The following CTNNA2 variants were observed in gnomAD, a reference collection of about 807,000 sequenced individuals.
CTNNA2 encodes the protein catenin alpha-2.
CTNNA2 carries 42 observed loss-of-function variants against 101.0 expected under a neutral mutation model. The observed-to-expected ratio is 0.42, with a 90% CI of 0.32 to 0.54. CTNNA2 has a LOEUF of 0.54. CTNNA2 is among the 20% of genes least tolerant of loss of function. CTNNA2 has a pLI of 0.14. For missense variants in CTNNA2, 871 were observed against 1,223.1 expected (o/e 0.71, Z 4.29); for synonymous variants, 450 against 456.4 (o/e 0.99, Z 0.18).
chr2:80,377,598 A>C (rs1363604737), intron 7 of CTNNA2, among the ~76,000 whole-genome samples: 1 of 152,220 alleles, frequency 6.6e-6, no homozygotes, highest in Non-Finnish European at 1.5e-5. Flanking sequence ...TTGAGGAGGT[A>C]GGAAGACTGG....
chr2:79,720,626 A>G (rs1686418324), intron 2 of CTNNA2, among the ~76,000 whole-genome samples: 1 of 151,936 alleles, frequency 6.6e-6, no homozygotes, highest in Non-Finnish European at 1.5e-5. Flanking sequence ...TTGTATTTTC[A>G]GGTATTTCAT....
intron 7 of CTNNA2, among the ~76,000 whole-genome samples, chr2:79,987,646 A>C (rs1691862517): frequency 6.6e-6 from 1 of 152,176 alleles, no homozygotes; most frequent in Non-Finnish European, 1.5e-5. Context: ...AAATGAATAA[A>C]CTTTATATGT....
intron 7 of CTNNA2, among the ~76,000 whole-genome samples, chr2:80,263,336 A>ATATT (rs912746768): frequency 6.6e-6 from 1 of 152,148 alleles, no homozygotes; most frequent in African/African-American, 2.4e-5. Flanking sequence ...GTGAATTTAT[A>ATATT]TATTTATTTA....
chr2:79,999,142 A>T (rs1386822882), intron 7 of CTNNA2, among the ~76,000 whole-genome samples: 2 of 151,954 alleles, frequency 1.3e-5, no homozygotes, highest in African/African-American at 4.8e-5. Flanking sequence ...AGAGATTGAG[A>T]TCTGGTGGTA....
At chr2:79,728,368 A>G (rs987396683) in intron 2 of CTNNA2, among the ~76,000 whole-genome samples, 1 of 152,184 alleles carries the variant, frequency 6.6e-6, no homozygotes, top group Non-Finnish European at 1.5e-5. Flanking sequence ...TTGGCTGCAT[A>G]AATGTCTTGT....
intron 2 of CTNNA2, among the ~76,000 whole-genome samples, chr2:79,246,638 A>C (rs1674704290): frequency 6.6e-6 from 1 of 152,232 alleles, no homozygotes; most frequent in Admixed American, 6.5e-5. Context: ...TTATGGTTTC[A>C]GGTGATAATT....
intron 1 of CTNNA2, among the ~76,000 whole-genome samples, chr2:79,533,803 A>G (rs1364606190): frequency 6.6e-6 from 1 of 152,086 alleles, no homozygotes; most frequent in Admixed American, 6.6e-5. Context: ...CAGGCAAACA[A>G]ATAGCCCAAA....
At chr2:79,719,351 G>A (rs1290103196) in intron 2 of CTNNA2, among the ~76,000 whole-genome samples, 2 of 152,080 alleles carry the variant, frequency 1.3e-5, no homozygotes, top group Non-Finnish European at 2.9e-5. Flanking sequence ...TGTTGCTGTT[G>A]TGAACAGTGC....
At chr2:79,370,185 G>A (rs958759040) in intron 3 of CTNNA2, among the ~76,000 whole-genome samples, 7 of 152,146 alleles carry the variant, frequency 4.6e-5, no homozygotes, top group Admixed American at 2.6e-4. Context: ...TAGGCTCTCT[G>A]GTTTTGTTTG....
intron 2 of CTNNA2, among the ~76,000 whole-genome samples, chr2:79,738,328 G>A (rs1671043079): frequency 6.6e-6 from 1 of 152,184 alleles, no homozygotes; most frequent in South Asian, 2.1e-4. Flanking sequence ...GAGAGATTGA[G>A]GAAATATTTG....
At chr2:79,197,612 C>G (rs777565221) in intron 1 of CTNNA2, among the ~76,000 whole-genome samples, 6 of 152,176 alleles carry the variant, frequency 3.9e-5, no homozygotes, top group Non-Finnish European at 8.8e-5. Flanking sequence ...AACTATAACT[C>G]TAAAGAGATG....
At chr2:80,495,401 C>T (rs555593082) in intron 9 of CTNNA2, among the ~76,000 whole-genome samples, 4 of 152,040 alleles carry the variant, frequency 2.6e-5, no homozygotes, top group Non-Finnish European at 2.9e-5. Flanking sequence ...AAAGCGCTTT[C>T]GACTTGGAAA....
At chr2:80,233,595 A>G (rs562304420) in intron 7 of CTNNA2, among the ~76,000 whole-genome samples, 1 of 152,330 alleles carries the variant, frequency 6.6e-6, no homozygotes, top group Non-Finnish European at 1.5e-5. Flanking sequence ...GATGTGACAG[A>G]CAGACTAAAA....
chr2:79,799,817 T>C (rs1190348945), intron 3 of CTNNA2, among the ~76,000 whole-genome samples: 1 of 152,196 alleles, frequency 6.6e-6, no homozygotes, highest in African/African-American at 2.4e-5. Flanking sequence ...ATTATGAAAA[T>C]GTATTTTATT....
chr2:80,095,016 C>A (rs1700054236), intron 7 of CTNNA2, among the ~76,000 whole-genome samples: 1 of 152,082 alleles, frequency 6.6e-6, no homozygotes, highest in African/African-American at 2.4e-5. Flanking sequence ...GCCTGATTGC[C>A]CTGGCCAGAA....
intron 4 of CTNNA2, among the ~76,000 whole-genome samples, chr2:79,410,707 T>C (rs954234641): frequency 1.4e-4 from 21 of 149,222 alleles, no homozygotes; most frequent in African/African-American, 4.7e-4. Flanking sequence ...TTTGCCAGTA[T>C]TTTATTGAGG....
In CTNNA2 at chr2:79,615,809, C is replaced by T. The variant is rs182330627; in HGVS notation, c.-5-35743C>T. Among the ~76,000 whole-genome samples, 187 of 152,184 alleles carry T rather than the reference C, an allele frequency of 1.2e-3. 2 individuals are homozygous for T. Among genetic ancestry groups the T allele is most frequent in the African/African-American group, 4.0e-3 (168 of 41,530 alleles). On this transcript the variant is annotated intron_variant, in intron 1 of 18. Coordinates refer to ENST00000402739, the MANE Select transcript of CTNNA2 (RefSeq NM_001282597.3). The stretch of plus-strand genomic sequence containing the variant: ...GAGGAGAATTCCTGGGAACCATTTC[C>T]GCAATATGAAGTGTGTGTTTGTATG...
At chr2:79,739,084 T>C (rs1337290721) in intron 2 of CTNNA2, among the ~76,000 whole-genome samples, 2 of 151,006 alleles carry the variant, frequency 1.3e-5, no homozygotes, top group Non-Finnish European at 2.9e-5. Context: ...TTTTTTTTTT[T>C]TCTTTTTTTT....
intron 7 of CTNNA2, among the ~76,000 whole-genome samples, chr2:79,952,358 C>T (rs901754161): frequency 3.3e-5 from 5 of 152,050 alleles, no homozygotes; most frequent in Non-Finnish European, 5.9e-5. Flanking sequence ...AAACTTTGCA[C>T]AGGGATGGAC....
Sources: allele counts gnomAD v4.1 joint callset (sites outside exome capture counted in the v4.1 genomes callset), GRCh38; gene constraint gnomAD v4.1.1; transcripts MANE v1.5; gene names NCBI Gene and HGNC (gene_info 2026-07-23, HGNC 2026-07-21).